Variants in RANBP17 observed in about 807,000 individuals in gnomAD.
RANBP17 encodes ran-binding protein 17.
A neutral mutation model predicts 141.2 loss-of-function variants in RANBP17; 158 were observed. The ratio of observed to expected loss-of-function variants is 1.12; its 90% CI spans 0.98 to 1.28. The LOEUF is 1.28. RANBP17 is among the 50% of genes most tolerant of loss of function. The pLI is 0.00. For synonymous variants in RANBP17, 430 were observed against 450.0 expected, an observed-to-expected ratio of 0.96 and a Z score of 0.56; for missense variants, 1,438 against 1,290.7, an observed-to-expected ratio of 1.11 and a Z score of -1.75.
intron 14 of RANBP17, among the ~76,000 whole-genome samples, chr5:171,156,717 C>A (rs1448510321): frequency 2.0e-5 from 3 of 152,002 alleles, no homozygotes; most frequent in African/African-American, 7.2e-5. Context: ...TGCCGCACTG[C>A]AGTAATAAAT....
intron 18 of RANBP17, among the ~76,000 whole-genome samples, chr5:171,184,563 TTAA>T (rs1761106983): frequency 6.6e-6 from 1 of 152,222 alleles, no homozygotes; most frequent in Admixed American, 6.5e-5. Context: ...GTGACTATAG[TTAA>T]TAACAATATA....
At chr5:171,087,369 G>C (rs1785750123) in intron 14 of RANBP17, among the ~76,000 whole-genome samples, 1 of 152,090 alleles carries the variant, frequency 6.6e-6, no homozygotes, top group Non-Finnish European at 1.5e-5. Flanking sequence ...TTGCTGAGGA[G>C]AGCTTTACTT....
At chr5:170,905,445 C>T (rs1313240200) in intron 5 of RANBP17, among the ~76,000 whole-genome samples, 1 of 151,938 alleles carries the variant, frequency 6.6e-6, no homozygotes, top group African/African-American at 2.4e-5. Context: ...TAGCCATGTG[C>T]ATAAAAAAAT....
At chr5:171,081,345 A>T (rs1219298750) in intron 14 of RANBP17, among the ~76,000 whole-genome samples, 2 of 152,160 alleles carry the variant, frequency 1.3e-5, no homozygotes, top group African/African-American at 2.4e-5. Flanking sequence ...ATGGGTTAAG[A>T]ACTGCTTCCC....
intron 14 of RANBP17, among the ~76,000 whole-genome samples, chr5:171,152,633 C>T (rs1758575509): frequency 6.6e-6 from 1 of 152,128 alleles, no homozygotes; most frequent in Admixed American, 6.5e-5. Flanking sequence ...TTGGTTTCCA[C>T]AGCTCCCTTC....
At chr5:171,107,630 G>T (rs905535567) in intron 14 of RANBP17, among the ~76,000 whole-genome samples, 1 of 152,128 alleles carries the variant, frequency 6.6e-6, no homozygotes, top group East Asian at 1.9e-4. Flanking sequence ...CACCCATCAT[G>T]ACTCTAGTCT....
intron 1 of RANBP17, among the ~76,000 whole-genome samples, chr5:170,874,098 T>C (rs1767972851): frequency 6.6e-6 from 1 of 152,204 alleles, no homozygotes; most frequent in African/African-American, 2.4e-5. Flanking sequence ...AATTTCATTA[T>C]TTACCCAGGA....
intron 14 of RANBP17, among the ~76,000 whole-genome samples, chr5:171,139,504 TTTAA>T (rs1757547809): frequency 6.6e-6 from 1 of 152,240 alleles, no homozygotes; most frequent in South Asian, 2.1e-4. Context: ...CCTGGTCTTC[TTTAA>T]TTGTCACTTG....
chr5:170,903,900 A>C, intron 5 of RANBP17: 1 of 523,216 alleles, frequency 1.9e-6, no homozygotes, highest in South Asian at 1.5e-5. Flanking sequence ...TGAAATCAGC[A>C]TGAATTTAGT....
At chr5:170,971,466 C>A (rs1474462105) in intron 14 of RANBP17, among the ~76,000 whole-genome samples, 2 of 152,146 alleles carry the variant, frequency 1.3e-5, no homozygotes, top group African/African-American at 4.8e-5. Context: ...AGTGGTTCAA[C>A]CTGGATTTGA....
chr5:170,958,867 C>G (rs1775930193), intron 13 of RANBP17, among the ~76,000 whole-genome samples: 1 of 152,162 alleles, frequency 6.6e-6, no homozygotes, highest in African/African-American at 2.4e-5. Context: ...CATTTATAGT[C>G]ATTTTAGTTT....
chr5:170,948,207 TA>T (rs1161229740), intron 12 of RANBP17, among the ~76,000 whole-genome samples: 2 of 152,046 alleles, frequency 1.3e-5, no homozygotes, highest in African/African-American at 4.8e-5. Flanking sequence ...GTAAGATGAG[TA>T]TATCATAGCA....
At chr5:171,115,785 C>T (rs74408786) in intron 14 of RANBP17, among the ~76,000 whole-genome samples, 7,003 of 152,134 alleles carry the variant, frequency 0.046, 204 homozygotes, top group East Asian at 0.12. Flanking sequence ...ACAGTTTGTC[C>T]AGAAACAAAG....
At chr5:170,991,259 A>T (rs1778488438) in intron 14 of RANBP17, among the ~76,000 whole-genome samples, 1 of 151,912 alleles carries the variant, frequency 6.6e-6, no homozygotes, top group South Asian at 2.1e-4. Flanking sequence ...ATTGAACTGA[A>T]TATTTTTCAG....
chr5:171,065,196 T>C (rs935890396), intron 14 of RANBP17, among the ~76,000 whole-genome samples: 6 of 152,118 alleles, frequency 3.9e-5, no homozygotes, highest in Non-Finnish European at 8.8e-5. Flanking sequence ...GAATCTACTT[T>C]TACCTTTTTT....
chr5:171,130,835 T>C (rs1026151628), intron 14 of RANBP17, among the ~76,000 whole-genome samples: 8 of 152,230 alleles, frequency 5.3e-5, no homozygotes, highest in African/African-American at 1.7e-4. Flanking sequence ...TTACAAGTTA[T>C]GTTGTGAAGA....
intron 14 of RANBP17, among the ~76,000 whole-genome samples, chr5:171,073,898 T>C (rs1377394644): frequency 1.3e-5 from 2 of 151,890 alleles, no homozygotes; most frequent in African/African-American, 4.8e-5. Context: ...TATATTTTAC[T>C]CAGAAAACAT....
intron 14 of RANBP17, among the ~76,000 whole-genome samples, chr5:171,066,104 T>C (rs1035716372): frequency 2.2e-4 from 34 of 152,256 alleles, no homozygotes; most frequent in African/African-American, 7.9e-4. Flanking sequence ...TCAAGTGATC[T>C]GCCCACCTCG....
chr5:171,114,771 T>A (rs1755491975), intron 14 of RANBP17, among the ~76,000 whole-genome samples: 1 of 150,808 alleles, frequency 6.6e-6, no homozygotes, highest in Admixed American at 6.7e-5. Context: ...TGCCAGACCC[T>A]TTGCTTAAGT....
Sources: gnomAD v4.1 joint callset for allele counts (sites outside exome capture counted in the v4.1 genomes callset) on GRCh38, gnomAD v4.1.1 for gene constraint, MANE v1.5 for transcripts, NCBI Gene and HGNC (gene_info 2026-07-23, HGNC 2026-07-21) for gene names.